SCN1A: variants seen among roughly 807,000 people sequenced by gnomAD.
SCN1A encodes the protein sodium voltage-gated channel alpha subunit 1.
Under a neutral mutation model 193.7 loss-of-function variants are expected in SCN1A, and 13 were observed. The ratio of observed to expected loss-of-function variants is 0.07; its 90% CI spans 0.04 to 0.11. The LOEUF (loss-of-function observed/expected upper bound fraction) is 0.11. SCN1A is among the 10% of genes least tolerant of loss of function. The pLI is 1.00. For synonymous variants in SCN1A, 781 were observed against 843.6 expected, an observed-to-expected ratio of 0.93 and a Z score of 1.29; for missense variants, 1,432 against 2,451.1, an observed-to-expected ratio of 0.58 and a Z score of 8.78.
At chr2:166,083,901 A>C (rs1685800648) in intron 2 of SCN1A, among the ~76,000 whole-genome samples, 1 of 152,134 alleles carries the variant, frequency 6.6e-6, no homozygotes, top group Non-Finnish European at 1.5e-5. Flanking sequence ...AAAATAAGTA[A>C]TCTTATTGTG....
At chr2:166,074,471 T>TG (rs56322398) in intron 3 of SCN1A, among the ~76,000 whole-genome samples, 74,259 of 151,806 alleles carry the variant, frequency 0.49, 19,725 homozygotes, top group East Asian at 0.73. Context: ...CAATAGAAAC[T>TG]AAGTGTTTTT....
chr2:166,080,773 T>G (rs1244362759), intron 2 of SCN1A, among the ~76,000 whole-genome samples: 1 of 151,564 alleles, frequency 6.6e-6, no homozygotes, highest in Non-Finnish European at 1.5e-5. Context: ...TCAAATAACG[T>G]GGACAAAAGA....
intron 22 of SCN1A, among the ~76,000 whole-genome samples, chr2:166,011,686 C>A (rs1203920272): frequency 6.6e-6 from 1 of 151,052 alleles, no homozygotes; most frequent in Non-Finnish European, 1.5e-5. Flanking sequence ...GCCTTTAATA[C>A]TGTACAAGTT....
At position 166,033,206 on chromosome 2, in the gene SCN1A, AG is replaced by A. The variant is rs1695865538; in HGVS notation, c.3429+2841del. On this transcript the variant is annotated intron_variant, in intron 19 of 28. Coordinates refer to ENST00000674923, the MANE Select transcript of SCN1A (RefSeq NM_001165963.4). ...AAAAAGAAAGCAATCTGTTCTGCCT[AG>A]GGTTAGGAAGGCTTCATTATCACTA... Among the ~76,000 whole-genome samples the A allele has an allele frequency of 1.3e-5, 2 of 152,172 alleles. 1 individual carries two copies. The highest frequency in any genetic ancestry group is 4.1e-4 in the South Asian group (2 of 4,830).
At chr2:166,008,771 C>T (rs913840934) in intron 23 of SCN1A, among the ~76,000 whole-genome samples, 5 of 150,900 alleles carry the variant, frequency 3.3e-5, no homozygotes, top group Non-Finnish European at 5.9e-5. Flanking sequence ...ATAAAAGTAA[C>T]TACACCTTAG....
intron 1 of SCN1A, among the ~76,000 whole-genome samples, chr2:166,147,029 T>C (rs968981788): frequency 1.3e-5 from 2 of 152,198 alleles, no homozygotes; most frequent in Non-Finnish European, 2.9e-5. Flanking sequence ...GACTTCAGCA[T>C]GCCTCACAGT....
intron 2 of SCN1A, among the ~76,000 whole-genome samples, chr2:166,112,389 C>G (rs1689390319): frequency 6.6e-6 from 1 of 152,116 alleles, no homozygotes; most frequent in Admixed American, 6.6e-5. Flanking sequence ...AAGGTATGCA[C>G]TTTTTTTCAA....
chr2:166,040,289 C>G (rs1377180571), intron 16 of SCN1A, among the ~76,000 whole-genome samples: 3 of 152,156 alleles, frequency 2.0e-5, no homozygotes, highest in Non-Finnish European at 2.9e-5. Context: ...TTATATACCA[C>G]AAGTACTGAC....
At chr2:165,995,724 C>T (rs761792520) in intron 27 of SCN1A, among the ~76,000 whole-genome samples, 2 of 151,740 alleles carry the variant, frequency 1.3e-5, no homozygotes, top group Non-Finnish European at 2.9e-5. Context: ...CTCTTGTGCA[C>T]ATCACATTGT....
upstream of SCN1A, among the ~76,000 whole-genome samples, chr2:166,131,853 C>T (rs1691673297): frequency 6.6e-6 from 1 of 152,116 alleles, no homozygotes; most frequent in South Asian, 2.1e-4. Context: ...GAGAAGGAAA[C>T]CATTCTTAAT....
intron 19 of SCN1A, among the ~76,000 whole-genome samples, chr2:166,021,639 G>T (rs1281404405): frequency 6.6e-6 from 1 of 152,062 alleles, no homozygotes; most frequent in Non-Finnish European, 1.5e-5. Context: ...CACATAATTT[G>T]TATAAATTAT....
At chr2:166,060,475 C>A (rs1311679157) in intron 4 of SCN1A, 2 of 152,174 alleles carry the variant, frequency 1.3e-5, no homozygotes, top group Non-Finnish European at 2.9e-5. Context: ...AGTGAGCTAG[C>A]TCAGGAATAA....
At position 165,990,870 on chromosome 2, in the gene SCN1A, A is replaced by C. The variant is rs1377412588; in HGVS notation, c.*375T>G. Reference sequence around the variant, plus strand: ...TAACAGATTCCATAAAAATGTGACAAATGTGGCAGTTGAAATGCAAACAGT... The same window carrying C: ...TAACAGATTCCATAAAAATGTGACACATGTGGCAGTTGAAATGCAAACAGT... On this transcript the variant is annotated 3_prime_UTR_variant, in exon 29 of 29. Coordinates refer to ENST00000674923, the MANE Select transcript of SCN1A (RefSeq NM_001165963.4). 4.9e-6 allele frequency: 1 copy of C among 204,794 alleles called. No homozygotes were observed. Among genetic ancestry groups the C allele is most frequent in the African/African-American group, 2.3e-5 (1 of 42,582 alleles). 12.7% of individuals were successfully genotyped at this position (204,794 alleles called of 1,614,324 possible).
At chr2:166,097,965 T>C (rs113545088) in intron 2 of SCN1A, among the ~76,000 whole-genome samples, 177 of 152,374 alleles carry the variant, frequency 1.2e-3, no homozygotes, top group African/African-American at 4.1e-3. Context: ...AATATTTGTA[T>C]GCAATCTGCC....
At chr2:166,054,334 T>TTGACATTAGATTGTGTGTGTTC (rs1698905473) in intron 7 of SCN1A, among the ~76,000 whole-genome samples, 1 of 147,738 alleles carries the variant, frequency 6.8e-6, no homozygotes, top group Non-Finnish European at 1.5e-5. Context: ...TGCTTGTGTT[T>TTGACATTAGATTGTGTGTGTTC]TGACATTAGA....
At chr2:166,055,878 T>G (rs2105907167) in intron 6 of SCN1A, among the ~76,000 whole-genome samples, 1 of 152,180 alleles carries the variant, frequency 6.6e-6, no homozygotes, top group African/African-American at 2.4e-5. Flanking sequence ...AGTTTAGTCT[T>G]CAGTCTACTG....
Position 166,059,514 on chromosome 2 carries a change from A to G in SCN1A, c.265-826T>C, listed in dbSNP as rs538664123. ...TGGCAGTGGGCAGACAAAACATTAA[A>G]GAAGCAACATGTAAGGGTATAAAAA... On this transcript the variant is annotated intron_variant, in intron 4 of 28. Coordinates refer to ENST00000674923, the MANE Select transcript of SCN1A (RefSeq NM_001165963.4). 11 of 152,328 alleles carry G rather than the reference A, an allele frequency of 7.2e-5. No homozygotes were observed. The South Asian group carries it at 2.3e-3, about 32-fold the overall frequency. The allele number at this position is 152,328 out of a possible 1,614,324, so 9.4% of individuals were successfully genotyped here. A position where few individuals can be genotyped will look rare whatever the true frequency, so the allele number is the denominator to read the frequency against.
chr2:166,147,613 A>G (rs1490175080), intron 1 of SCN1A, among the ~76,000 whole-genome samples: 1 of 152,172 alleles, frequency 6.6e-6, no homozygotes, highest in Non-Finnish European at 1.5e-5. Context: ...TGCCAAACTG[A>G]GTAAAACCTG....
In SCN1A at chr2:166,082,565, C is replaced by T. The variant is rs765441428; in HGVS notation, c.-141-4764G>A. Among the ~76,000 whole-genome samples, 52 of 151,838 alleles carry T rather than the reference C, an allele frequency of 3.4e-4. No homozygotes were observed. The Middle Eastern group carries it at 0.01, about 30-fold the overall frequency. ...TCAAAATTTTGAAAAATGGGAGACT[C>T]CAAAATTTAAAAAGATGATTGTAAT... On this transcript the variant is annotated intron_variant, in intron 2 of 28. Transcript: ENST00000674923.
Sources: gnomAD v4.1 joint callset for allele counts (sites outside exome capture counted in the v4.1 genomes callset) on GRCh38, gnomAD v4.1.1 for gene constraint, MANE v1.5 for transcripts, NCBI Gene and HGNC (gene_info 2026-07-23, HGNC 2026-07-21) for gene names.